Variants in EZH1 observed in about 807,000 individuals in gnomAD.
EZH1 encodes histone-lysine N-methyltransferase EZH1.
EZH1 carries 33 observed loss-of-function variants against 100.5 expected under a neutral mutation model. The observed-to-expected ratio is 0.33, with a 90% CI of 0.25 to 0.44. The LOEUF (loss-of-function observed/expected upper bound fraction) is 0.44. Among genes scored for constraint, EZH1 ranks in the 20% least tolerant of loss-of-function variants. EZH1 has a pLI of 1.00. For synonymous variants in EZH1, 272 were observed against 313.8 expected (o/e 0.87, Z 1.41); for missense variants, 475 against 928.4 (o/e 0.51, Z 6.35).
intron 1 of EZH1, among the ~76,000 whole-genome samples, chr17:42,743,716 T>C (rs1049160518): frequency 6.6e-6 from 1 of 152,054 alleles, no homozygotes; most frequent in Non-Finnish European, 1.5e-5. Context: ...TTCTCCTGCC[T>C]GGGCCTCCCG....
chr17:42,743,551 C>A (rs989256132), intron 1 of EZH1, among the ~76,000 whole-genome samples: 1 of 151,264 alleles, frequency 6.6e-6, no homozygotes, highest in African/African-American at 2.4e-5. Context: ...CTCATTGCAA[C>A]CTTGACCTCC....
intron 18 of EZH1, 51 bp from the exon 19 acceptor site, chr17:42,703,871 G>A (rs778008890): frequency 7.9e-7 from 1 of 1,268,204 alleles, no homozygotes; most frequent in Non-Finnish European, 1.2e-6. Flanking sequence ...CAATTCCACA[G>A]CTTCTCAGCT....
chr17:42,740,685 A>G (rs911398636), intron 1 of EZH1, among the ~76,000 whole-genome samples: 1 of 152,216 alleles, frequency 6.6e-6, no homozygotes, highest in Non-Finnish European at 1.5e-5. Context: ...GCAATCTCCT[A>G]ACAGGCTAGA....
At chr17:42,741,700 T>G (rs925245649) in intron 1 of EZH1, among the ~76,000 whole-genome samples, 1 of 152,178 alleles carries the variant, frequency 6.6e-6, no homozygotes, top group African/African-American at 2.4e-5. Flanking sequence ...GTTTCTTATT[T>G]TGTTTTGAGA....
chr17:42,708,249 C>T, intron 14 of EZH1, 166 bp from the exon 15 acceptor site: 1 of 738,036 alleles, frequency 1.4e-6, no homozygotes, highest in Non-Finnish European at 2.1e-6. Context: ...TGTTCATAAG[C>T]TGCAGTGGGG....
At chr17:42,710,304 G>A (rs1181342842) in intron 12 of EZH1, among the ~76,000 whole-genome samples, 2 of 152,122 alleles carry the variant, frequency 1.3e-5, no homozygotes, top group African/African-American at 4.8e-5. Flanking sequence ...GTGTAAGGCA[G>A]GACAGGACAG....
chr17:42,741,872 G>A (rs1259063098), intron 1 of EZH1, among the ~76,000 whole-genome samples: 1 of 151,398 alleles, frequency 6.6e-6, no homozygotes, highest in Non-Finnish European at 1.5e-5. Flanking sequence ...TAATGTTTTT[G>A]TAGAGACAGA....
intron 7 of EZH1, 119 bp from the exon 8 acceptor site, chr17:42,719,326 C>T: frequency 2.7e-6 from 2 of 749,524 alleles, no homozygotes; most frequent in Admixed American, 2.0e-5. Flanking sequence ...TTAACCTAAC[C>T]ACTGATTGTT....
intron 1 of EZH1, among the ~76,000 whole-genome samples, chr17:42,733,950 A>T (rs944109386): frequency 2.6e-5 from 4 of 151,710 alleles, no homozygotes; most frequent in African/African-American, 9.7e-5. Flanking sequence ...AAAAAAAAAA[A>T]AAAAAAAAAA....
intron 15 of EZH1, among the ~76,000 whole-genome samples, chr17:42,707,033 C>A (rs963160165): frequency 2.0e-5 from 3 of 152,042 alleles, no homozygotes; most frequent in Non-Finnish European, 2.9e-5. Flanking sequence ...AACTGCTCAG[C>A]TTTGAGTTGG....
intron 1 of EZH1, among the ~76,000 whole-genome samples, chr17:42,732,073 T>C (rs2053961685): frequency 6.6e-6 from 1 of 151,348 alleles, no homozygotes; most frequent in Non-Finnish European, 1.5e-5. Flanking sequence ...GAGCCATGAT[T>C]GTACCACTGC....
At chr17:42,705,864 T>C (rs2053342988) in intron 16 of EZH1, 143 bp downstream of exon 16, 1 of 917,542 alleles carries the variant, frequency 1.1e-6, no homozygotes, top group African/African-American at 1.7e-5. Flanking sequence ...CTTTATTAAT[T>C]CAGTAAATAT....
At chr17:42,732,727 C>G (rs2053976736) in intron 1 of EZH1, among the ~76,000 whole-genome samples, 1 of 152,150 alleles carries the variant, frequency 6.6e-6, no homozygotes, top group Non-Finnish European at 1.5e-5. Context: ...CGAGATCGTG[C>G]CACTGCACTC....
intron 5 of EZH1, 42 bp from the exon 6 acceptor site, chr17:42,722,957 T>C (rs1321664268): frequency 1.2e-6 from 2 of 1,600,996 alleles, no homozygotes; most frequent in East Asian, 2.3e-5. Flanking sequence ...GAAGCCATCA[T>C]GCATCTGCTC....
intron 4 of EZH1, 94 bp from the exon 5 acceptor site, chr17:42,724,518 C>T (rs1329983445): frequency 2.0e-6 from 3 of 1,465,186 alleles, no homozygotes; most frequent in Non-Finnish European, 2.8e-6. Flanking sequence ...GGCATAGTGG[C>T]TCATGCCAGT....
chr17:42,728,694 A>G, intron 3 of EZH1, 131 bp downstream of exon 3: 1 of 850,974 alleles, frequency 1.2e-6, no homozygotes, highest in South Asian at 1.9e-5. Flanking sequence ...GTAAGCTGAG[A>G]TTACGCCACT....
At chr17:42,725,964 C>T (rs746277834) in intron 4 of EZH1, among the ~76,000 whole-genome samples, 26 of 151,128 alleles carry the variant, frequency 1.7e-4, no homozygotes, top group East Asian at 3.9e-4. Context: ...TTGCAACCTC[C>T]GCCTCCCAGG....
At position 42,704,518 on chromosome 17, in the gene EZH1, A is replaced by G. The variant is rs917610245; in HGVS notation, c.2017+84T>C. The G allele has an allele frequency of 6.3e-6, 7 of 1,112,518 alleles. No individual in the cohort carries two copies. In the African/African-American group the frequency reaches 1.1e-4, roughly 18 times the overall value. 68.9% of individuals were successfully genotyped at this position (1,112,518 alleles called of 1,614,324 possible). ...AGCCAAGATCGCACCATTGCACCCTAGCCTGGGCAACAGAGCAAGACTCCG... is the reference window on the plus strand; with the variant it reads ...AGCCAAGATCGCACCATTGCACCCTGGCCTGGGCAACAGAGCAAGACTCCG... On this transcript the variant is annotated intron_variant, in intron 18 of 20. Transcript: ENST00000428826.
intron 1 of EZH1, among the ~76,000 whole-genome samples, chr17:42,738,515 CCA>C (rs2054112209): frequency 6.9e-6 from 1 of 144,082 alleles, no homozygotes. Context: ...GCCACCGTGC[CCA>C]GTCTATTTTT....
Sources: allele counts gnomAD v4.1 joint callset (sites outside exome capture counted in the v4.1 genomes callset), GRCh38; gene constraint gnomAD v4.1.1; transcripts MANE v1.5; gene names NCBI Gene and HGNC (gene_info 2026-07-23, HGNC 2026-07-21).